The following PRAMEF4 variants were observed in gnomAD, a reference collection of about 807,000 sequenced individuals.
The protein encoded by PRAMEF4 is RP5-845O24.6.
A neutral mutation model predicts 34.4 loss-of-function variants in PRAMEF4; 18 were observed. The ratio of observed to expected loss-of-function variants is 0.52; its 90% CI spans 0.36 to 0.78. PRAMEF4 has a LOEUF of 0.78. PRAMEF4 is among the 30% of genes least tolerant of loss of function. The pLI is 0.00. For synonymous variants in PRAMEF4, 156 were observed against 219.3 expected, an observed-to-expected ratio of 0.71 and a Z score of 2.55; for missense variants, 482 against 569.1, an observed-to-expected ratio of 0.85 and a Z score of 1.56.
chr1:12,880,730 A>T (rs1027162055), intron 3 of PRAMEF4, among the ~76,000 whole-genome samples: 7 of 147,580 alleles, frequency 4.7e-5, no homozygotes, highest in Admixed American at 1.4e-4. Context: ...CCCAGTGGAG[A>T]TTCAGGCATA....
At chr1:12,881,663 C>A (rs1640891537) in intron 3 of PRAMEF4, among the ~76,000 whole-genome samples, 191 bp downstream of exon 3, 1 of 143,070 alleles carries the variant, frequency 7.0e-6, no homozygotes, top group Admixed American at 7.2e-5. Flanking sequence ...CTAGCTGATC[C>A]CTCTGCCTCT....
chr1:12,883,316 T>C lies in PRAMEF4; in HGVS notation c.79A>G (p.Met27Val), dbSNP rs1252903386. The C allele has an allele frequency of 2.5e-6, 4 of 1,599,886 alleles. No individual in the cohort carries two copies. The highest frequency in any genetic ancestry group is 2.3e-5 in the East Asian group (1 of 44,316). The change falls in exon 2 of 4, where the codon ATG becomes GTG. Residue 27 changes from methionine to valine, a missense_variant. By Grantham distance (21) the Met-to-Val change is conservative. Around this residue, in one of 6 missense-constraint regions of PRAMEF4, gnomAD observed 172 missense variants for 130.2 expected, o/e 1.32. Coordinates refer to ENST00000235349, the MANE Select transcript of PRAMEF4 (RefSeq NM_001009611.4). Reference sequence around the variant, plus strand: ...GTGGGCAGCTCCTCCAGGGTGGACATGGCCAAAGCTTGGTCCCTTAGCAGG... The same window carrying C: ...GTGGGCAGCTCCTCCAGGGTGGACACGGCCAAAGCTTGGTCCCTTAGCAGG... ...RSLLRDQALAMSTLEELPTEL... is the reference protein window; with the variant it reads ...RSLLRDQALAVSTLEELPTEL...
intron 3 of PRAMEF4, among the ~76,000 whole-genome samples, chr1:12,881,633 G>A (rs4990494): frequency 2.1e-5 from 3 of 141,550 alleles, no homozygotes; most frequent in East Asian, 4.0e-4. Flanking sequence ...TAGCATGGCA[G>A]CCTCTCCATA....
chr1:12,885,785 C>A (rs1640990567), intron 1 of PRAMEF4, among the ~76,000 whole-genome samples: 1 of 145,994 alleles, frequency 6.8e-6, no homozygotes, highest in Admixed American at 7.2e-5. Flanking sequence ...ACTCCATCCC[C>A]ACCCTCAAAA....
At chr1:12,883,489 C>G (rs1348165111) in intron 1 of PRAMEF4, 79 bp from the exon 2 acceptor site, 9 of 1,562,590 alleles carry the variant, frequency 5.8e-6, no homozygotes, top group African/African-American at 5.5e-5. Flanking sequence ...TATGGCCAAA[C>G]TCACTGCTCT....
chr1:12,880,797 G>A (rs4554730), intron 3 of PRAMEF4, among the ~76,000 whole-genome samples: 71,146 of 143,142 alleles, frequency 0.5, 19,574 homozygotes, highest in East Asian at 0.61. Flanking sequence ...GGCTGCAGGC[G>A]TCCCTGACAT....
intron 1 of PRAMEF4, among the ~76,000 whole-genome samples, chr1:12,885,284 C>T (rs1301739386): frequency 6.7e-6 from 1 of 149,650 alleles, no homozygotes; most frequent in Non-Finnish European, 1.5e-5. Flanking sequence ...CATGCACCCC[C>T]CACAGCCATG....
chr1:12,883,125 C>T lies in PRAMEF4; in HGVS notation c.270G>A (p.Leu90=), dbSNP rs753151127. 1 of 1,601,548 alleles carries T rather than the reference C, an allele frequency of 6.2e-7. No individual in the cohort carries two copies. Among genetic ancestry groups the T allele is most frequent in the Non-Finnish European group, 8.5e-7 (1 of 1,174,324 alleles). Residue 90 remains leucine (L), a synonymous_variant, in exon 2 of 4, where the codon CTG becomes CTA. Transcript: ENST00000235349. ...ACCTGGGACGAACCCCTAGGTTAAGCAGTGCATCCAGCCCATCGAGCACAG... is the reference window on the plus strand; with the variant it reads ...ACCTGGGACGAACCCCTAGGTTAAGTAGTGCATCCAGCCCATCGAGCACAG... ...FQAVLDGLDA[L]LNLGVRPRRW...
In PRAMEF4 at chr1:12,883,749, T is replaced by A. The variant is rs900198719; in HGVS notation, c.-16-339A>T. Among the ~76,000 whole-genome samples, 30 of 148,102 alleles carry A rather than the reference T, an allele frequency of 2.0e-4. 1 individual carries two copies. In the East Asian group the frequency reaches 4.4e-3, roughly 22 times the overall value. The stretch of plus-strand genomic sequence containing the variant: ...ACTCAAGGTTCTAAAACAATGGGAA[T>A]GGGAATGTCACAAGCCTACATGCCC... On this transcript the variant is annotated intron_variant, in intron 1 of 3. Coordinates refer to ENST00000235349, the MANE Select transcript of PRAMEF4 (RefSeq NM_001009611.4).
rs760040391 is a variant in PRAMEF4, at chr1:12,885,802, CGTT to C, written c.-17+342_-17+344del. Among the ~76,000 whole-genome samples, 32 of 144,750 alleles carry C rather than the reference CGTT, an allele frequency of 2.2e-4. 1 individual carries two copies. The highest frequency in any genetic ancestry group is 3.3e-4 in the Non-Finnish European group (22 of 66,362). 95.0% of individuals were successfully genotyped at this position (144,750 alleles called of 152,430 possible). ...TCCATCCCCACCCTCAAAAAAAAAA[CGTT>C]GTGCAGAGGAGGGTTTTTGTCATGT... On this transcript the variant is annotated intron_variant, in intron 1 of 3. Coordinates refer to ENST00000235349, the MANE Select transcript of PRAMEF4 (RefSeq NM_001009611.4).
rs201629857 is a variant in PRAMEF4, at chr1:12,882,461, A to T, written c.294-26T>A. The T allele has an allele frequency of 1.3e-3, 2,004 of 1,584,932 alleles. 64 individuals are homozygous for T. Among genetic ancestry groups the T allele is most frequent in the Non-Finnish European group, 1.5e-3 (1,705 of 1,166,598 alleles). On this transcript the variant is annotated intron_variant, in intron 2 of 3. Transcript: ENST00000235349. The stretch of plus-strand genomic sequence containing the variant: ...CTGTGGGAAAATAGAGGTGAGACTG[A>T]GAATTTCAGAACTCATTTCTGAACT...
At chr1:12,880,534 C>A (rs1339339944) in intron 3 of PRAMEF4, among the ~76,000 whole-genome samples, 1 of 149,488 alleles carries the variant, frequency 6.7e-6, no homozygotes, top group Non-Finnish European at 1.5e-5. Flanking sequence ...AGAGATCATG[C>A]CACTACACTC....
In PRAMEF4 at chr1:12,884,847, G is replaced by C. The variant is rs553955410; in HGVS notation, c.-17+1300C>G. ...ATCAAAATGAAAGATTTAGGGATAG[G>C]GTGAAAGTCCAGGACTCATTCACTG... On this transcript the variant is annotated intron_variant, in intron 1 of 3. Coordinates refer to ENST00000235349, the MANE Select transcript of PRAMEF4 (RefSeq NM_001009611.4). Among the ~76,000 whole-genome samples the C allele has an allele frequency of 1.2e-3, 175 of 150,126 alleles. 7 individuals carry two copies. Among genetic ancestry groups the C allele is most frequent in the Non-Finnish European group, 2.2e-3 (150 of 67,714 alleles).
Position 12,882,341 on chromosome 1 carries a change from C to T in PRAMEF4, c.388G>A (p.Ala130Thr), listed in dbSNP as rs1392405172. 6.4e-7 allele frequency: 1 copy of T among 1,564,306 alleles called. No individual in the cohort carries two copies. Among genetic ancestry groups the T allele is most frequent in the South Asian group, 1.1e-5 (1 of 89,128 alleles). ...TCCACTGGTTTTTTGTTCCTCTTGG[C>T]ATTGAGGAAGCACCCATGGGCCATA... ...EAMAHGCFLNAKRNKKPVEDC... is the reference protein window; with the variant it reads ...EAMAHGCFLNTKRNKKPVEDC... Residue 130 changes from alanine to threonine, a missense_variant, in exon 3 of 4, where the codon GCC (alanine) becomes ACC (threonine). Ala to Thr is a moderately conservative substitution (Grantham distance 58). Coordinates refer to ENST00000235349, the MANE Select transcript of PRAMEF4 (RefSeq NM_001009611.4).
chr1:12,880,782 G>T (rs1287914602), intron 3 of PRAMEF4, among the ~76,000 whole-genome samples: 1 of 143,980 alleles, frequency 6.9e-6, no homozygotes, highest in Non-Finnish European at 1.5e-5. Flanking sequence ...CAGCTACGGT[G>T]GGCGGGCTGC....
At chr1:12,886,079 C>T (rs1314464759) in intron 1 of PRAMEF4, 68 bp downstream of exon 1, 1 of 133,102 alleles carries the variant, frequency 7.5e-6, no homozygotes, top group African/African-American at 3.0e-5. Flanking sequence ...GTAGGCTGCA[C>T]TGTCACCATC....
At chr1:12,884,884 A>G in intron 1 of PRAMEF4, among the ~76,000 whole-genome samples, 1 of 150,160 alleles carries the variant, frequency 6.7e-6, no homozygotes, top group Non-Finnish European at 1.5e-5. Context: ...TTCCCTTCAC[A>G]AACATGGAGT....
At chr1:12,883,461 T>C in intron 1 of PRAMEF4, 51 bp from the exon 2 acceptor site, 2 of 1,596,062 alleles carry the variant, frequency 1.3e-6, no homozygotes, top group South Asian at 1.1e-5. Flanking sequence ...GCCAAGCCCA[T>C]GCAATCTCAT....
chr1:12,880,250 G>A (rs1640862583), intron 3 of PRAMEF4, 145 bp from the exon 4 acceptor site: 14 of 1,435,594 alleles, frequency 9.8e-6, no homozygotes, highest in African/African-American at 1.4e-5. Context: ...CACTTAGGAT[G>A]ATGTGTGATG....
Sources: allele counts gnomAD v4.1 joint callset (sites outside exome capture counted in the v4.1 genomes callset), GRCh38; gene constraint gnomAD v4.1.1; regional missense constraint gnomAD v4.1.1; transcripts MANE v1.5; gene names NCBI Gene and HGNC (gene_info 2026-07-23, HGNC 2026-07-21).